Variants in CETP observed in about 807,000 individuals in gnomAD.
CETP encodes the protein cholesteryl ester transfer protein.
Under a neutral mutation model 66.5 loss-of-function variants are expected in CETP, and 56 were observed. The observed-to-expected ratio is 0.84, with a 90% confidence interval of 0.68 to 1.05. CETP has a LOEUF of 1.05. Among genes scored for constraint, CETP ranks in the 50% least tolerant of loss-of-function variants. CETP has a pLI of 0.00. For synonymous variants in CETP, 251 were observed against 245.7 expected (o/e 1.02, Z -0.20); for missense variants, 612 against 609.6 (o/e 1.00, Z -0.04).
rs561462414 is a variant in CETP, at chr16:56,973,377, C to G, written c.797C>G (p.Thr266Ser). The G allele has an allele frequency of 6.2e-6, 10 of 1,614,230 alleles. No individual in the cohort carries two copies. The South Asian group carries it at 8.8e-5, about 14-fold the overall frequency. The change falls in exon 9 of 16, where the codon ACC becomes AGC. Residue 266 changes from threonine (T) to serine (S), a missense_variant. Thr to Ser is a moderately conservative substitution (Grantham distance 58). Coordinates refer to ENST00000200676, the MANE Select transcript of CETP (RefSeq NM_000078.3). ...GTCTCAGAGGACCTCCCCCTCCCCA[C>G]CTTCTCGCCCACACTGCTGGGGGAC... ...KNVSEDLPLP[T>S]FSPTLLGDSR...
intron 10 of CETP, among the ~76,000 whole-genome samples, chr16:56,976,329 C>T (rs1318221131): frequency 2.6e-5 from 4 of 152,166 alleles, no homozygotes; most frequent in African/African-American, 7.2e-5. Context: ...ACAGGCTAAA[C>T]GCTCTCCCAT....
chr16:56,962,369 G>A, intron 1 of CETP: 1 of 685,070 alleles, frequency 1.5e-6, no homozygotes, highest in Non-Finnish European at 2.7e-6. Context: ...CAGAATCACT[G>A]GGGTTCGAGT....
At position 56,963,088 on chromosome 16, in the gene CETP, T is replaced by C. The variant is rs764019349; in HGVS notation, c.197T>C (p.Met66Thr). ...CCAGATATCACGGGCGAGAAGGCCATGATGCTCCTTGGCCAAGTCAAGTAT... is the reference window on the plus strand; with the variant it reads ...CCAGATATCACGGGCGAGAAGGCCACGATGCTCCTTGGCCAAGTCAAGTAT... ...SYPDITGEKA[M>T]MLLGQVKYGL... is the part of the protein sequence containing the mutation. The change falls in exon 2 of 16, where the codon ATG becomes ACG. Residue 66 changes from methionine to threonine, a missense_variant. Physicochemically the swap from Met to Thr is moderately conservative, Grantham distance 81 (BLOSUM62 -1). Transcript: ENST00000200676. 9 of 1,614,100 alleles carry C rather than the reference T, an allele frequency of 5.6e-6. No homozygotes were observed. In the Admixed American group the frequency reaches 1.3e-4, roughly 24 times the overall value.
Position 56,969,592 on chromosome 16 carries a change from G to A in CETP, c.369-19G>A. The A allele has an allele frequency of 5.0e-6, 8 of 1,614,198 alleles. No individual in the cohort carries two copies. The highest frequency in any genetic ancestry group is 5.9e-6 in the Non-Finnish European group (7 of 1,180,028). ...GCTGGAGGGCTGAATGAGGGTCCTG[G>A]GTCCTTGGCTCTTTCCAGGCTGGGT... On this transcript the variant is annotated intron_variant, in intron 3 of 15. Coordinates refer to ENST00000200676, the MANE Select transcript of CETP (RefSeq NM_000078.3).
rs1449716077 is a variant in CETP, at chr16:56,973,295, C to T, written c.751-36C>T. On this transcript the variant is annotated intron_variant, in intron 8 of 15. Coordinates refer to ENST00000200676, the MANE Select transcript of CETP (RefSeq NM_000078.3). ...AAGCTGGACCTGAGCCCAGTAGGGA[C>T]ACACAGGGTCCAGCCAGCGTCCTGG... 2.5e-6 allele frequency: 4 copies of T among 1,611,646 alleles called. No individual in the cohort carries two copies. In the South Asian group the frequency reaches 3.3e-5, roughly 13 times the overall value.
In CETP at chr16:56,969,923, C is replaced by T. The variant is rs2056097076; in HGVS notation, c.449C>T (p.Ser150Phe). 1 of 1,614,004 alleles carries T rather than the reference C, an allele frequency of 6.2e-7. No individual in the cohort carries two copies. The highest frequency in any genetic ancestry group is 1.3e-5 in the African/African-American group (1 of 74,932). Residue 150 changes from serine to phenylalanine, a missense_variant, in exon 5 of 16, where the codon TCT becomes TTT. By Grantham distance (155) the Ser-to-Phe change is radical (BLOSUM62 -2). Coordinates refer to ENST00000200676, the MANE Select transcript of CETP (RefSeq NM_000078.3). ...LQINTQLTCDSGRVRTDAPDC... is the reference protein window; with the variant it reads ...LQINTQLTCDFGRVRTDAPDC... ...TCGGGTCTCCCTGCAGCCTGTGACT[C>T]TGGTAGAGTGCGGACCGATGCCCCT...
intron 9 of CETP, among the ~76,000 whole-genome samples, chr16:56,973,980 T>C (rs117693818): frequency 6.6e-6 from 1 of 152,288 alleles, no homozygotes; most frequent in East Asian, 1.9e-4. Context: ...TGCTCTTTCA[T>C]GCAATGTCTG....
chr16:56,982,008 G>A lies in CETP; in HGVS notation c.1249-157G>A, dbSNP rs560593002. 2.0e-5 allele frequency among the ~76,000 whole-genome samples: 3 copies of A among 152,220 alleles called. No individual in the cohort carries two copies. The East Asian group carries it at 5.8e-4, about 29-fold the overall frequency. On this transcript the variant is annotated intron_variant, in intron 13 of 15. Transcript: ENST00000200676. ...CCCAGGGCGAAGGAAAGACCACTCA[G>A]GAAGGGCACCGTCTGGGGCAGGAAA...
intron 8 of CETP, 142 bp downstream of exon 8, chr16:56,972,225 C>T (rs774949471): frequency 3.1e-5 from 21 of 671,096 alleles, no homozygotes; most frequent in Non-Finnish European, 5.5e-5. Context: ...CCTGATGCTC[C>T]TCCGCATTCC....
Position 56,971,854 on chromosome 16 carries a change from T to A in CETP, c.659-138T>A. ...AGAGAATGAAAAAGTGCCACACCCC[T>A]CCCCGCACACCCAGGTCCCACTTTA... is the stretch of plus-strand genomic sequence containing the variant. On this transcript the variant is annotated intron_variant, in intron 7 of 15. Coordinates refer to ENST00000200676, the MANE Select transcript of CETP (RefSeq NM_000078.3). The A allele has an allele frequency of 3.9e-6, 3 of 769,460 alleles. No individual in the cohort carries two copies. The South Asian group carries it at 4.2e-5, about 11-fold the overall frequency. 47.7% of individuals were successfully genotyped at this position (769,460 alleles called of 1,614,324 possible). A position where few individuals can be genotyped will look rare whatever the true frequency, so the allele number is the denominator to read the frequency against.
Position 56,981,649 on chromosome 16 carries a change from T to C in CETP, c.1217T>C (p.Ile406Thr). 1 of 1,613,904 alleles carries C rather than the reference T, an allele frequency of 6.2e-7. No individual in the cohort carries two copies. Among genetic ancestry groups the C allele is most frequent in the Non-Finnish European group, 8.5e-7 (1 of 1,179,794 alleles). ...TTATCATCGCTTTTTTATTTCAGGA[T>C]TACACCAAAGACTGTTTCCAACTTG... ...KLFLSLLDFQ[I>T]TPKTVSNLTE... The change falls in exon 13 of 16, where the codon ATT (isoleucine) becomes ACT (threonine). Residue 406 changes from isoleucine to threonine, a missense_variant and splice_region_variant. Ile to Thr is a moderately conservative substitution (Grantham distance 89). Transcript: ENST00000200676.
chr16:56,965,119 T>C (rs2056056865), intron 2 of CETP, among the ~76,000 whole-genome samples: 1 of 152,180 alleles, frequency 6.6e-6, no homozygotes, highest in South Asian at 2.1e-4. Context: ...AATGCTATCC[T>C]AGACCTATGT....
chr16:56,970,808 C>A (rs1395527008), intron 5 of CETP, among the ~76,000 whole-genome samples: 1 of 152,198 alleles, frequency 6.6e-6, no homozygotes, highest in Non-Finnish European at 1.5e-5. Context: ...CAGGTGTGAG[C>A]GTCACAGGAG....
At chr16:56,962,341 T>A (rs1360660953) in intron 1 of CETP, 2 of 711,544 alleles carry the variant, frequency 2.8e-6, no homozygotes, top group South Asian at 2.7e-5. Context: ...GTATAGGGAT[T>A]TGTGTTTGTC....
At chr16:56,983,532 C>T (rs2056203661) in intron 15 of CETP, 60 bp from the exon 16 acceptor site, 2 of 1,605,222 alleles carry the variant, frequency 1.2e-6, no homozygotes, top group Non-Finnish European at 1.7e-6. Flanking sequence ...GCTTGGCTCC[C>T]TCCTGGTGGC....
At chr16:56,981,301 CG>C (rs1398777251) in intron 12 of CETP, 76 bp downstream of exon 12, 2 of 1,227,912 alleles carry the variant, frequency 1.6e-6, no homozygotes, top group Admixed American at 3.4e-5. Context: ...AGGCACAGGG[CG>C]GGGTGTTGGT....
intron 11 of CETP, among the ~76,000 whole-genome samples, chr16:56,979,584 C>T (rs1388883838): frequency 6.6e-6 from 1 of 151,848 alleles, no homozygotes; most frequent in Non-Finnish European, 1.5e-5. Context: ...AATCTCGGCT[C>T]ACTGCAACCT....
At chr16:56,969,318 T>C in intron 2 of CETP, 68 bp from the exon 3 acceptor site, 1 of 1,607,996 alleles carries the variant, frequency 6.2e-7, no homozygotes, top group East Asian at 2.2e-5. Flanking sequence ...CTAGACAAAA[T>C]TGGAGGCTCA....
rs979523127 is a variant in CETP, at chr16:56,978,216, C to A, written c.1107C>A (p.Arg369=). The change falls in exon 11 of 16, where the codon CGC becomes CGA. Residue 369 remains arginine, a synonymous_variant. Transcript: ENST00000200676. ...TGATGGTGAAATTCCTCTTTCCACG[C>A]CCAGACCAGCAACATTCTGTAGCTT... is the stretch of plus-strand genomic sequence containing the variant. ...SSVMVKFLFP[R]PDQQHSVAYT... is the part of the protein sequence containing the mutation. 3.7e-6 allele frequency: 6 copies of A among 1,614,220 alleles called. No individual in the cohort carries two copies. The highest frequency in any genetic ancestry group is 2.2e-5 in the South Asian group (2 of 91,086).
Sources: allele counts gnomAD v4.1 joint callset (sites outside exome capture counted in the v4.1 genomes callset), GRCh38; gene constraint gnomAD v4.1.1; transcripts MANE v1.5; gene names NCBI Gene and HGNC (gene_info 2026-07-23, HGNC 2026-07-21).